CYP46A1: variants seen among roughly 807,000 people sequenced by gnomAD.
The protein encoded by CYP46A1 is cytochrome P450 family 46 subfamily A member 1.
Under a neutral mutation model 63.3 loss-of-function variants are expected in CYP46A1, and 20 were observed. That is an observed-to-expected ratio of 0.32 (90% CI 0.22 to 0.46). The LOEUF is 0.46. Among genes scored for constraint, CYP46A1 ranks in the 20% least tolerant of loss-of-function variants. CYP46A1 has a pLI of 1.00. For synonymous variants in CYP46A1, 268 were observed against 273.6 expected (o/e 0.98, Z 0.20); for missense variants, 445 against 670.8 (o/e 0.66, Z 3.72).
At chr14:99,726,060 A>G (rs907626850) in intron 13 of CYP46A1, 130 bp from the exon 14 acceptor site, 2 of 781,122 alleles carry the variant, frequency 2.6e-6, no homozygotes, top group Non-Finnish European at 4.4e-6. Flanking sequence ...CATGCTTTGC[A>G]TGCAAAGTGC....
intron 3 of CYP46A1, among the ~76,000 whole-genome samples, chr14:99,694,965 A>C (rs1344481134): frequency 5.9e-5 from 9 of 152,182 alleles, no homozygotes; most frequent in African/African-American, 1.9e-4. Flanking sequence ...TTTAGGACAA[A>C]TTTACCACAA....
chr14:99,702,850 T>C (rs889560090), intron 5 of CYP46A1, among the ~76,000 whole-genome samples: 1 of 152,224 alleles, frequency 6.6e-6, no homozygotes, highest in Non-Finnish European at 1.5e-5. Context: ...AATACTGTTA[T>C]CTAATTCACA....
At chr14:99,690,021 G>A (rs2056530508) in intron 1 of CYP46A1, among the ~76,000 whole-genome samples, 1 of 152,160 alleles carries the variant, frequency 6.6e-6, no homozygotes, top group African/African-American at 2.4e-5. Flanking sequence ...CTCTGCCCGA[G>A]CCACACTGGC....
intron 1 of CYP46A1, among the ~76,000 whole-genome samples, chr14:99,687,953 A>G (rs868573887): frequency 1.4e-5 from 2 of 148,076 alleles, no homozygotes; most frequent in Non-Finnish European, 3.0e-5. Flanking sequence ...TCGCCTCCCC[A>G]GCGCCCCCTG....
chr14:99,689,513 G>A (rs2056524995), intron 1 of CYP46A1, among the ~76,000 whole-genome samples: 1 of 152,152 alleles, frequency 6.6e-6, no homozygotes, highest in African/African-American at 2.4e-5. Context: ...CATCTCCTGT[G>A]GGCAGAGCCA....
chr14:99,707,461 A>G, intron 6 of CYP46A1, 107 bp from the exon 7 acceptor site: 1 of 807,040 alleles, frequency 1.2e-6, no homozygotes, highest in South Asian at 1.7e-5. Context: ...ATGCATATAA[A>G]CCCTTAGCCC....
intron 5 of CYP46A1, among the ~76,000 whole-genome samples, chr14:99,703,322 T>C (rs2056648217): frequency 6.6e-6 from 1 of 152,204 alleles, no homozygotes; most frequent in African/African-American, 2.4e-5. Context: ...TACAGCCTCC[T>C]CATTGGCCTA....
intron 1 of CYP46A1, among the ~76,000 whole-genome samples, chr14:99,688,792 G>A (rs535975061): frequency 2.6e-5 from 4 of 151,834 alleles, no homozygotes; most frequent in African/African-American, 9.7e-5. Flanking sequence ...CACCAAACTT[G>A]CTGGGGGCTC....
chr14:99,689,619 T>G (rs1006265350), intron 1 of CYP46A1, among the ~76,000 whole-genome samples: 3 of 152,158 alleles, frequency 2.0e-5, no homozygotes, highest in Non-Finnish European at 4.4e-5. Flanking sequence ...CCATCCATTC[T>G]TCCAGCAGCC....
At chr14:99,708,061 C>T (rs2056695247) in intron 7 of CYP46A1, 2 of 272,752 alleles carry the variant, frequency 7.3e-6, no homozygotes, top group South Asian at 4.0e-5. Flanking sequence ...CTGCCCGTGC[C>T]CACATGGGGC....
intron 3 of CYP46A1, 105 bp downstream of exon 3, chr14:99,691,966 G>T: frequency 8.4e-7 from 1 of 1,185,718 alleles, no homozygotes; most frequent in Non-Finnish European, 1.2e-6. Flanking sequence ...AGAGCCAGGC[G>T]CATTTCGGCT....
In CYP46A1 at chr14:99,725,269, C is replaced by T. The variant is rs1566837928; in HGVS notation, c.1177-122C>T. 2.8e-6 allele frequency: 2 copies of T among 713,988 alleles called. No individual in the cohort carries two copies. The highest frequency in any genetic ancestry group is 5.0e-6 in the Non-Finnish European group (2 of 399,296). 44.2% of individuals were successfully genotyped at this position (713,988 alleles called of 1,614,324 possible). ...CACCAACCTAGATGAGGGGTGAAGA[C>T]ATGGGGGGAGGAGAGTGGGACCCAC... On this transcript the variant is annotated intron_variant, in intron 12 of 14. Transcript: ENST00000261835. This position sits in a 1 kb window ranked among gnomAD's most constrained non-coding sequence, Gnocchi z 4.2.
chr14:99,710,905 T>G (rs1194021024), intron 7 of CYP46A1: 8 of 152,032 alleles, frequency 5.3e-5, no homozygotes, highest in Non-Finnish European at 1.2e-4. Context: ...CCAGGATAGA[T>G]CATATCTTAG....
chr14:99,716,622 C>A (rs2140135520), intron 9 of CYP46A1, among the ~76,000 whole-genome samples: 1 of 152,374 alleles, frequency 6.6e-6, no homozygotes, highest in Middle Eastern at 3.4e-3. Context: ...GCCTCCTCCC[C>A]AGGGAAGCAC....
intron 5 of CYP46A1, among the ~76,000 whole-genome samples, chr14:99,700,368 G>GTTCC (rs932543710): frequency 6.6e-6 from 1 of 152,204 alleles, no homozygotes; most frequent in Non-Finnish European, 1.5e-5. Context: ...AAGCATGGGG[G>GTTCC]TTCCTGTCCT....
intron 3 of CYP46A1, 126 bp downstream of exon 3, chr14:99,691,987 A>C: frequency 1.1e-6 from 1 of 915,706 alleles, no homozygotes; most frequent in Non-Finnish European, 1.7e-6. Flanking sequence ...GGTTTCCCAA[A>C]GATCCAGAAA....
intron 5 of CYP46A1, chr14:99,703,872 G>T: frequency 2.0e-6 from 2 of 985,216 alleles, no homozygotes; most frequent in Non-Finnish European, 2.4e-6. Context: ...TTACTGGAAA[G>T]TTGTCAGAAG....
chr14:99,684,377 G>T lies in CYP46A1; in HGVS notation c.-41G>T. 8.0e-7 allele frequency: 1 copy of T among 1,244,856 alleles called. No individual in the cohort carries two copies. Among genetic ancestry groups the T allele is most frequent in the Non-Finnish European group, 1.0e-6 (1 of 987,744 alleles). The allele number at this position is 1,244,856 out of a possible 1,614,324, so 77.1% of individuals were successfully genotyped here. ...CTCGCGGCCTCCCGGCCCCCTCGGCGCCCGGCCCGACCCTGGCCTGGCCTG... is the reference window on the plus strand; with the variant it reads ...CTCGCGGCCTCCCGGCCCCCTCGGCTCCCGGCCCGACCCTGGCCTGGCCTG... On this transcript the variant is annotated 5_prime_UTR_variant, in exon 1 of 15. Transcript: ENST00000261835.
chr14:99,695,830 C>T (rs1595187745), intron 3 of CYP46A1, among the ~76,000 whole-genome samples: 1 of 152,026 alleles, frequency 6.6e-6, no homozygotes, highest in South Asian at 2.1e-4. Context: ...GGAGTTTCAC[C>T]ATGTTGGCCA....
Sources: gnomAD v4.1 joint callset for allele counts (sites outside exome capture counted in the v4.1 genomes callset) on GRCh38, gnomAD v4.1.1 for gene constraint, Gnocchi (gnomAD v3.1) non-coding constraint, MANE v1.5 for transcripts, NCBI Gene and HGNC (gene_info 2026-07-23, HGNC 2026-07-21) for gene names.